The following CKAP5 variants were observed in gnomAD, a reference collection of about 807,000 sequenced individuals.
CKAP5 encodes cytoskeleton-associated protein 5.
Under a neutral mutation model 232.8 loss-of-function variants are expected in CKAP5, and 27 were observed. That is an observed-to-expected ratio of 0.12 (90% confidence interval 0.09 to 0.16). CKAP5 has a LOEUF of 0.16. Ranked by LOEUF, CKAP5 falls within the 10% of genes least tolerant of loss-of-function variation. The probability of loss-of-function intolerance (pLI) is 1.00; values close to 1 mark genes in which losing one functional copy is unlikely to be tolerated. For synonymous variants in CKAP5, 785 were observed against 841.1 expected, an observed-to-expected ratio of 0.93 and a Z score of 1.16; for missense variants, 1,838 against 2,424.7, an observed-to-expected ratio of 0.76 and a Z score of 5.08.
chr11:46,744,627 T>C (rs2065009426), intron 42 of CKAP5, 50 bp from the exon 43 acceptor site: 2 of 1,546,252 alleles, frequency 1.3e-6, no homozygotes, highest in Non-Finnish European at 1.8e-6. Flanking sequence ...ATATCCCCCT[T>C]CTAAAGTGCC....
chr11:46,752,583 A>G, intron 38 of CKAP5, 52 bp downstream of exon 38: 2 of 1,416,880 alleles, frequency 1.4e-6, no homozygotes, highest in African/African-American at 2.8e-5. Flanking sequence ...CATACTTTTA[A>G]CAAAGTGATT....
At chr11:46,791,650 G>C (rs2134640576) in intron 13 of CKAP5, among the ~76,000 whole-genome samples, 1 of 152,192 alleles carries the variant, frequency 6.6e-6, no homozygotes, top group Non-Finnish European at 1.5e-5. Flanking sequence ...CTCTGGCTTG[G>C]GTGGCAGAGT....
intron 7 of CKAP5, 151 bp downstream of exon 7, chr11:46,809,249 G>A: frequency 1.7e-6 from 1 of 605,174 alleles, no homozygotes; most frequent in South Asian, 2.2e-5. Context: ...AGTAGTGTGG[G>A]AGCAAAGAGG....
At chr11:46,777,285 G>C (rs999391466) in intron 23 of CKAP5, among the ~76,000 whole-genome samples, 154 bp downstream of exon 23, 1 of 152,118 alleles carries the variant, frequency 6.6e-6, no homozygotes, top group Admixed American at 6.6e-5. Flanking sequence ...ATACTGCCTG[G>C]AAGATAAAAA....
chr11:46,780,472 C>T lies in CKAP5; in HGVS notation c.2263G>A (p.Ala755Thr), dbSNP rs2065333089. 1 of 1,613,544 alleles carries T rather than the reference C, an allele frequency of 6.2e-7. No individual in the cohort carries two copies. Among genetic ancestry groups the T allele is most frequent in the Non-Finnish European group, 8.5e-7 (1 of 1,179,664 alleles). The change falls in exon 19 of 44, where the codon GCT (alanine) becomes ACT (threonine). Residue 755 changes from alanine to threonine, a missense_variant. Ala to Thr is a moderately conservative substitution (Grantham distance 58). This residue lies in a region of CKAP5 where 767 missense variants were observed against 954.6 expected (regional missense o/e 0.80). Transcript: ENST00000529230. The part of the protein sequence containing the change: ...EFGFSGLNVK[A>T]FISNVKTALA... ...GCTGTCTTCACATTGCTAATGAAAG[C>T]TTTGACATTCAACCTAGAAGAAACA... is the stretch of plus-strand genomic sequence containing the variant.
At chr11:46,826,322 G>A (rs1041641703) in intron 1 of CKAP5, among the ~76,000 whole-genome samples, 2 of 152,136 alleles carry the variant, frequency 1.3e-5, no homozygotes, top group African/African-American at 2.4e-5. Context: ...CTGTGAATTA[G>A]GACAACTTGG....
At chr11:46,811,370 T>G (rs1939270835) in intron 4 of CKAP5, among the ~76,000 whole-genome samples, 192 bp from the exon 5 acceptor site, 1 of 152,230 alleles carries the variant, frequency 6.6e-6, no homozygotes, top group Non-Finnish European at 1.5e-5. Context: ...TCTAAGAATA[T>G]TATTTAATGT....
In CKAP5 at chr11:46,753,360, G is replaced by A. The variant is rs2065084591; in HGVS notation, c.5007C>T (p.Asn1669=). 1 of 1,613,874 alleles carries A rather than the reference G, an allele frequency of 6.2e-7. No homozygotes were observed. The highest frequency in any genetic ancestry group is 8.5e-7 in the Non-Finnish European group (1 of 1,179,946). ...TCTCCAGAACCTTCACCACCAAGAGGTTCACAGAGCGGATGACCTGTTGTC... is the reference window on the plus strand; with the variant it reads ...TCTCCAGAACCTTCACCACCAAGAGATTCACAGAGCGGATGACCTGTTGTC... ...EEGQQVIRSV[N]LLVVKVLEKS... is the part of the protein sequence containing the mutation. The change falls in exon 37 of 44, where the codon AAC becomes AAT. Residue 1669 remains asparagine (N), a synonymous_variant. Transcript: ENST00000529230.
At chr11:46,761,577 G>A (rs1465048172) in intron 32 of CKAP5, among the ~76,000 whole-genome samples, 1 of 152,200 alleles carries the variant, frequency 6.6e-6, no homozygotes, top group African/African-American at 2.4e-5. Context: ...AGAACCTAAT[G>A]TGAGTGAAAA....
intron 38 of CKAP5, among the ~76,000 whole-genome samples, chr11:46,752,429 A>C (rs1189102126): frequency 4.6e-5 from 7 of 151,496 alleles, no homozygotes; most frequent in Middle Eastern, 3.4e-3. Flanking sequence ...CAGCCTCCTG[A>C]GTAGCTGCTA....
chr11:46,810,288 T>C (rs1939245903), intron 5 of CKAP5, among the ~76,000 whole-genome samples: 1 of 152,120 alleles, frequency 6.6e-6, no homozygotes, highest in African/African-American at 2.4e-5. Context: ...TTCTTATTTA[T>C]GTGGCTCTAC....
rs752286343 is a variant in CKAP5 at position 46,762,412 on chromosome 11, A to G, written c.4027+215T>C. On this transcript the variant is annotated intron_variant, in intron 31 of 43. Transcript: ENST00000529230. The stretch of plus-strand genomic sequence containing the variant: ...CCTGTGAGTCAGATGGCCCCTGTGC[A>G]CTTGATTTTGTCACCAGGGTGATAC... 3.3e-5 allele frequency: 28 copies of G among 853,426 alleles called. No individual in the cohort carries two copies. The African/African-American group carries it at 4.6e-4, about 14-fold the overall frequency. 52.9% of individuals were successfully genotyped at this position (853,426 alleles called of 1,614,324 possible). A position where few individuals can be genotyped will look rare whatever the true frequency, so the allele number is the denominator to read the frequency against.
At chr11:46,776,473 G>T (rs2065292306) in intron 23 of CKAP5, 90 bp from the exon 24 acceptor site, 1 of 1,048,058 alleles carries the variant, frequency 9.5e-7, no homozygotes, top group Admixed American at 2.8e-5. Context: ...ATGAACAATG[G>T]AGGGTTATCT....
chr11:46,744,256 G>A lies in CKAP5; in HGVS notation c.5866C>T (p.Arg1956Ter). 6 of 1,614,022 alleles carry A rather than the reference G, an allele frequency of 3.7e-6. No individual in the cohort carries two copies. Among genetic ancestry groups the A allele is most frequent in the Admixed American group, 1.7e-5 (1 of 59,984 alleles). ...CGLDNTKQDD[R>*]PPLTSLLSKP... ...GAGAGCAAAGAGGTCAAAGGAGGTC[G>A]GTCATCTTGCTATTGAGAGAAGGAG... The change falls in exon 44 of 44, where the codon CGA becomes TGA. Residue 1956 changes from arginine to a stop codon, truncating the protein, a stop_gained. Transcript: ENST00000529230. LOFTEE classifies it high-confidence loss of function.
chr11:46,790,627 T>A, intron 13 of CKAP5, 44 bp from the exon 14 acceptor site: 1 of 1,318,518 alleles, frequency 7.6e-7, no homozygotes, highest in Non-Finnish European at 1.1e-6. Flanking sequence ...CCTAAGGATT[T>A]AAAATAGTGG....
Position 46,762,167 on chromosome 11 carries a change from C to G in CKAP5, c.4054G>C (p.Val1352Leu), listed in dbSNP as rs192698054. 3 of 1,613,878 alleles carry G rather than the reference C, an allele frequency of 1.9e-6. No homozygotes were observed. The highest frequency in any genetic ancestry group is 2.5e-6 in the Non-Finnish European group (3 of 1,179,874). The change falls in exon 32 of 44, where the codon GTT becomes CTT. Residue 1352 changes from valine (V) to leucine (L), a missense_variant. By Grantham distance (32) the Val-to-Leu change is conservative. This residue lies in a region of CKAP5 where 579 missense variants were observed against 843.2 expected (regional missense o/e 0.69). Coordinates refer to ENST00000529230, the MANE Select transcript of CKAP5 (RefSeq NM_001008938.4). ...CAAACATTCATGCCATAGGACTCAA[C>G]CAGACATCCCAGCTCTTCCAGGCAC... Reference protein sequence around the residue: ...AECLEELGCLVESYGMNVCQP... With the variant: ...AECLEELGCLLESYGMNVCQP...
intron 32 of CKAP5, among the ~76,000 whole-genome samples, chr11:46,761,525 C>T (rs773911294): frequency 2.0e-5 from 3 of 152,066 alleles, no homozygotes; most frequent in Non-Finnish European, 2.9e-5. Flanking sequence ...TAACTGAAGA[C>T]GGAGGTCCAG....
chr11:46,783,441 A>C, intron 17 of CKAP5, 73 bp from the exon 18 acceptor site: 2 of 922,048 alleles, frequency 2.2e-6, no homozygotes, highest in Non-Finnish European at 3.4e-6. Flanking sequence ...ACATTAAGGC[A>C]GATGTGCATT....
intron 13 of CKAP5, among the ~76,000 whole-genome samples, chr11:46,791,245 G>GT (rs201703341): frequency 1.9e-3 from 281 of 145,084 alleles, no homozygotes; most frequent in African/African-American, 6.1e-3. Context: ...ATTTATTTGG[G>GT]TTTTTTTTTT....
Sources: gnomAD v4.1 joint callset for allele counts (sites outside exome capture counted in the v4.1 genomes callset) on GRCh38, gnomAD v4.1.1 for gene constraint, gnomAD v4.1.1 regional missense constraint, MANE v1.5 for transcripts, NCBI Gene and HGNC (gene_info 2026-07-23, HGNC 2026-07-21) for gene names.